CDC25C: variants seen among roughly 807,000 people sequenced by gnomAD.
The protein encoded by CDC25C is M-phase inducer phosphatase 3.
CDC25C carries 48 observed loss-of-function variants against 52.5 expected under a neutral mutation model. The ratio of observed to expected loss-of-function variants is 0.91; its 90% CI spans 0.72 to 1.16. The LOEUF is 1.16. CDC25C is among the 50% of genes most tolerant of loss of function. CDC25C has a pLI of 0.00. For missense variants in CDC25C, 510 were observed against 566.1 expected (o/e 0.90, Z 1.01); for synonymous variants, 187 against 206.5 (o/e 0.91, Z 0.81).
rs1362849107 is a variant in CDC25C, at chr5:138,292,099, T to A, written c.633A>T (p.Leu211=). The A allele has an allele frequency of 4.3e-6, 7 of 1,613,008 alleles. No homozygotes were observed. The highest frequency in any genetic ancestry group is 5.9e-6 in the Non-Finnish European group (7 of 1,179,494). Residue 211 remains leucine, a synonymous_variant, in exon 8 of 14, where the codon CTA becomes CTT. Transcript: ENST00000323760. ...TCTCTGGCATCGACGGGGAGCGATATAGGCCACTTCTGCTCACCTGTTTGG... is the reference window on the plus strand; with the variant it reads ...TCTCTGGCATCGACGGGGAGCGATAAAGGCCACTTCTGCTCACCTGTTTGG... ...DQEAKVSRSG[L]YRSPSMPENL...
upstream of CDC25C, among the ~76,000 whole-genome samples, chr5:138,332,757 T>C (rs1006451066): frequency 6.6e-6 from 1 of 152,114 alleles, no homozygotes; most frequent in African/African-American, 2.4e-5. Flanking sequence ...TCCCAGCTAC[T>C]TGGGAGGCTG....
chr5:138,288,295 G>C (rs1258950436), intron 10 of CDC25C, among the ~76,000 whole-genome samples: 1 of 152,032 alleles, frequency 6.6e-6, no homozygotes, highest in Non-Finnish European at 1.5e-5. Context: ...GACTCGTCTC[G>C]AACTCCCAAC....
At chr5:138,293,561 A>G (rs1756916849) in intron 7 of CDC25C, among the ~76,000 whole-genome samples, 2 of 152,076 alleles carry the variant, frequency 1.3e-5, no homozygotes, top group African/African-American at 4.8e-5. Context: ...GAGGATTTCA[A>G]AAGGGGCTTC....
chr5:138,287,382 C>G, intron 10 of CDC25C, 115 bp from the exon 11 acceptor site: 1 of 629,470 alleles, frequency 1.6e-6, no homozygotes, highest in East Asian at 2.7e-5. Context: ...TGTCCAGCCT[C>G]CAAAGTCACC....
rs1392991640 is a variant in CDC25C at position 138,330,891 on chromosome 5, C to A, written c.194+96G>T. The A allele has an allele frequency of 8.3e-6, 7 of 846,294 alleles. No individual in the cohort carries two copies. In the African/African-American group the frequency reaches 1.2e-4, roughly 14 times the overall value. 52.4% of individuals were successfully genotyped at this position (846,294 alleles called of 1,614,324 possible). ...GGCAGAGTTGAGACTTAAAGCCTGA[C>A]CTTTGAGCCGGGATAATTGAAAACA... On this transcript the variant is annotated intron_variant, in intron 2 of 13. Transcript: ENST00000323760.
chr5:138,286,445 T>C, intron 12 of CDC25C, 52 bp downstream of exon 12: 4 of 1,567,418 alleles, frequency 2.6e-6, no homozygotes, highest in Non-Finnish European at 2.6e-6. Flanking sequence ...GTGTGGGAAG[T>C]CCAACTCAAA....
chr5:138,314,039 A>C (rs1758679304), intron 7 of CDC25C, among the ~76,000 whole-genome samples: 1 of 122,736 alleles, frequency 8.1e-6, no homozygotes, highest in Admixed American at 1.1e-4. Context: ...TGTCGCACCC[A>C]GGCTGGAGTG....
intron 1 of CDC25C, chr5:138,337,665 T>G: frequency 3.2e-6 from 1 of 314,192 alleles, no homozygotes; most frequent in Non-Finnish European, 6.1e-6. Context: ...GCAACCATTA[T>G]AAGTCCTGGG....
At chr5:138,304,236 G>A (rs897653102) in intron 7 of CDC25C, among the ~76,000 whole-genome samples, 1 of 150,532 alleles carries the variant, frequency 6.6e-6, no homozygotes, top group Non-Finnish European at 1.5e-5. Flanking sequence ...TGGTGTGATC[G>A]TGGTTCACTG....
chr5:138,321,770 A>C (rs915537661), intron 6 of CDC25C, among the ~76,000 whole-genome samples: 17 of 146,516 alleles, frequency 1.2e-4, no homozygotes, highest in Admixed American at 2.9e-4. Context: ...AAAAAAAAAA[A>C]AAAAAAAAAA....
At position 138,286,501 on chromosome 5, in the gene CDC25C, G is replaced by A. The variant is rs190605129; in HGVS notation, c.1156C>T (p.Arg386Ter). 4.7e-5 allele frequency: 75 copies of A among 1,609,804 alleles called. 2 individuals carry two copies. In the South Asian group the frequency reaches 5.8e-4, roughly 12 times the overall value. ...AGACCCCATTTAGACACTCACATTC[G>A]GGGGCCCCTCTCTGAGGAGAATTCA... Reference protein sequence around the residue: ...HCEFSSERGPRMCRCLREEDR... With the variant: ...HCEFSSERGP Residue 386 changes from arginine (R) to a stop codon, truncating the protein, a stop_gained, in exon 12 of 14, where the codon CGA (arginine) becomes TGA (stop). Coordinates refer to ENST00000323760, the MANE Select transcript of CDC25C (RefSeq NM_001790.5). LOFTEE classifies it high-confidence loss of function.
At chr5:138,338,229 C>G (rs1205952616) in exon 1 of CDC25C, 10 of 1,255,058 alleles carry the variant, frequency 8.0e-6, no homozygotes, top group Non-Finnish European at 1.0e-5. Flanking sequence ...TTCGCGCCAG[C>G]GCCTTTTAAG....
intron 7 of CDC25C, among the ~76,000 whole-genome samples, chr5:138,315,459 A>C (rs975248344): frequency 3.3e-5 from 5 of 151,476 alleles, no homozygotes; most frequent in African/African-American, 1.2e-4. Context: ...TGCTCTTTAA[A>C]TTTTTTTTTC....
At chr5:138,320,939 A>AAAAAAAAAG (rs1759328130) in intron 6 of CDC25C, among the ~76,000 whole-genome samples, 1 of 150,012 alleles carries the variant, frequency 6.7e-6, no homozygotes, top group Admixed American at 6.6e-5. Flanking sequence ...AAAAAAAAAA[A>AAAAAAAAAG]AAAAAAGTAG....
intron 7 of CDC25C, among the ~76,000 whole-genome samples, chr5:138,312,126 A>C (rs1758499003): frequency 6.6e-6 from 1 of 152,216 alleles, no homozygotes; most frequent in Admixed American, 6.5e-5. Flanking sequence ...AGTTGCTATG[A>C]AAACAGTATG....
chr5:138,326,714 G>A (rs1458664979), intron 4 of CDC25C, among the ~76,000 whole-genome samples: 1 of 152,124 alleles, frequency 6.6e-6, no homozygotes, highest in African/African-American at 2.4e-5. Flanking sequence ...AGCACTTTGG[G>A]AGTTCGAGGC....
chr5:138,295,085 C>T (rs1297641644), intron 7 of CDC25C, among the ~76,000 whole-genome samples: 4 of 152,182 alleles, frequency 2.6e-5, no homozygotes, highest in African/African-American at 9.7e-5. Flanking sequence ...TGCTCCAGCA[C>T]AATTTGTTAA....
At chr5:138,319,889 C>T (rs572366386) in intron 6 of CDC25C, among the ~76,000 whole-genome samples, 2 of 152,300 alleles carry the variant, frequency 1.3e-5, no homozygotes, top group East Asian at 3.9e-4. Context: ...TTGTGCATTG[C>T]TGGTGGGAAT....
chr5:138,331,290 C>T, intron 1 of CDC25C, 72 bp from the exon 2 acceptor site: 1 of 1,055,392 alleles, frequency 9.5e-7, no homozygotes, highest in Non-Finnish European at 1.4e-6. Context: ...CCACCCTTTC[C>T]AGCCAGGCGA....
Sources: gnomAD v4.1 joint callset for allele counts (sites outside exome capture counted in the v4.1 genomes callset) on GRCh38, gnomAD v4.1.1 for gene constraint, MANE v1.5 for transcripts, NCBI Gene and HGNC (gene_info 2026-07-23, HGNC 2026-07-21) for gene names.